Variants in FHIT observed in about 807,000 individuals in gnomAD.
The protein encoded by FHIT is fragile histidine triad diadenosine triphosphatase.
In FHIT, 19 loss-of-function variants were observed where a neutral mutation model predicts 17.9. The ratio of observed to expected loss-of-function variants is 1.06; its 90% CI spans 0.74 to 1.56. The LOEUF (loss-of-function observed/expected upper bound fraction) is 1.56. Ranked by LOEUF, FHIT falls within the 40% of genes most tolerant of loss-of-function variation. The pLI is 0.00. For missense variants in FHIT, 248 were observed against 189.2 expected (o/e 1.31, Z -1.82); for synonymous variants, 81 against 69.7 (o/e 1.16, Z -0.81).
intron 3 of FHIT, among the ~76,000 whole-genome samples, chr3:61,011,421 A>G (rs1382248191): frequency 6.6e-6 from 1 of 152,186 alleles, no homozygotes; most frequent in Non-Finnish European, 1.5e-5. Flanking sequence ...ATGAATCCAG[A>G]TCACCAATAT....
At chr3:60,744,268 C>CAAAAAAAAAAAAAAACAAAAAAAAA in intron 4 of FHIT, among the ~76,000 whole-genome samples, 1 of 80,086 alleles carries the variant, frequency 1.2e-5, no homozygotes, top group Non-Finnish European at 2.4e-5. Flanking sequence ...CAAAACAAAA[C>CAAAAAAAAAAAAAAACAAAAAAAAA]AAAAAAAAAA....
At chr3:60,367,640 C>A (rs1700162603) in intron 5 of FHIT, among the ~76,000 whole-genome samples, 1 of 152,116 alleles carries the variant, frequency 6.6e-6, no homozygotes, top group South Asian at 2.1e-4. Context: ...AATTCATTAA[C>A]TGCTTGTTTT....
chr3:60,533,671 G>A (rs1249074482), intron 5 of FHIT, among the ~76,000 whole-genome samples: 1 of 151,924 alleles, frequency 6.6e-6, no homozygotes, highest in East Asian at 1.9e-4. Flanking sequence ...GCATGGGGAG[G>A]AATCTCCAGT....
chr3:60,840,912 C>T (rs2106862121), intron 3 of FHIT, among the ~76,000 whole-genome samples: 1 of 152,256 alleles, frequency 6.6e-6, no homozygotes, highest in South Asian at 2.1e-4. Context: ...TAAAATTAAG[C>T]AAATGCAATT....
intron 3 of FHIT, among the ~76,000 whole-genome samples, chr3:60,996,924 A>G (rs73104203): frequency 2.1e-3 from 316 of 152,386 alleles, no homozygotes; most frequent in Non-Finnish European, 3.2e-3. Context: ...TCAAGAAATG[A>G]ATTAAAATTT....
chr3:60,940,812 C>T (rs1708379213), intron 3 of FHIT, among the ~76,000 whole-genome samples: 1 of 152,160 alleles, frequency 6.6e-6, no homozygotes. Flanking sequence ...AACTAGTTGA[C>T]TATATTTTTC....
intron 5 of FHIT, among the ~76,000 whole-genome samples, chr3:60,349,339 G>A (rs912299224): frequency 6.6e-5 from 10 of 151,996 alleles, no homozygotes; most frequent in South Asian, 2.1e-4. Context: ...AGCTGTTTAC[G>A]GATTTTGTGA....
At chr3:60,278,350 T>C (rs1391871958) in intron 5 of FHIT, among the ~76,000 whole-genome samples, 1 of 152,166 alleles carries the variant, frequency 6.6e-6, no homozygotes, top group African/African-American at 2.4e-5. Context: ...CTATCTGACT[T>C]GGGAGAAGGG....
At chr3:60,473,044 T>G (rs1026996386) in intron 5 of FHIT, among the ~76,000 whole-genome samples, 5 of 152,098 alleles carry the variant, frequency 3.3e-5, no homozygotes, top group Admixed American at 3.3e-4. Context: ...TGTCCCAGAG[T>G]TGATCCTTTG....
chr3:59,849,497 G>A (rs1438688482), intron 8 of FHIT, among the ~76,000 whole-genome samples: 3 of 152,130 alleles, frequency 2.0e-5, no homozygotes, highest in Admixed American at 6.6e-5. Flanking sequence ...ACTTCAATCC[G>A]ATTGGTGGCT....
chr3:60,561,622 G>C (rs1046232474), intron 4 of FHIT, among the ~76,000 whole-genome samples: 2 of 152,122 alleles, frequency 1.3e-5, no homozygotes, highest in East Asian at 1.9e-4. Context: ...AGGATGACTT[G>C]AAAAGGCAAC....
At chr3:60,542,850 T>C (rs1328256944) in intron 4 of FHIT, among the ~76,000 whole-genome samples, 1 of 152,192 alleles carries the variant, frequency 6.6e-6, no homozygotes, top group East Asian at 1.9e-4. Flanking sequence ...AATATATATA[T>C]TCCTATATTT....
chr3:61,015,275 A>AT (rs958176224), intron 3 of FHIT, among the ~76,000 whole-genome samples: 33 of 151,344 alleles, frequency 2.2e-4, no homozygotes, highest in Non-Finnish European at 3.2e-4. Context: ...TCGAAGGGGG[A>AT]TTTTTTTTTA....
chr3:59,898,155 G>A (rs1227231174), intron 8 of FHIT, among the ~76,000 whole-genome samples: 1 of 152,098 alleles, frequency 6.6e-6, no homozygotes, highest in African/African-American at 2.4e-5. Context: ...TAAAAATGCA[G>A]TTAAAACTCT....
At chr3:60,377,119 T>C (rs868124598) in intron 5 of FHIT, among the ~76,000 whole-genome samples, 4 of 152,176 alleles carry the variant, frequency 2.6e-5, no homozygotes, top group South Asian at 4.2e-4. Context: ...GAAAGCTGTG[T>C]TCAGGAGAGG....
intron 8 of FHIT, among the ~76,000 whole-genome samples, chr3:59,768,640 A>C (rs1405424610): frequency 6.6e-6 from 1 of 152,240 alleles, no homozygotes; most frequent in Non-Finnish European, 1.5e-5. Flanking sequence ...CATATGGTTC[A>C]ATCTAATACC....
At chr3:60,679,981 GAAT>G (rs2040709254) in intron 4 of FHIT, among the ~76,000 whole-genome samples, 2 of 151,908 alleles carry the variant, frequency 1.3e-5, no homozygotes, top group Non-Finnish European at 2.9e-5. Flanking sequence ...TCTCTTAGTT[GAAT>G]AATAATATTT....
At chr3:60,647,930 G>A (rs2039899514) in intron 4 of FHIT, among the ~76,000 whole-genome samples, 1 of 152,180 alleles carries the variant, frequency 6.6e-6, no homozygotes, top group South Asian at 2.1e-4. Flanking sequence ...TGCAATAATA[G>A]TGACCCAGCA....
intron 4 of FHIT, among the ~76,000 whole-genome samples, chr3:60,594,037 A>T (rs1409380141): frequency 6.6e-6 from 1 of 152,144 alleles, no homozygotes; most frequent in African/African-American, 2.4e-5. Flanking sequence ...CTGCGTTGAG[A>T]ACTATATTTG....
Sources: allele counts gnomAD v4.1 joint callset (sites outside exome capture counted in the v4.1 genomes callset), GRCh38; gene constraint gnomAD v4.1.1; transcripts MANE v1.5; gene names NCBI Gene and HGNC (gene_info 2026-07-23, HGNC 2026-07-21).